Variants in ETV1 observed in about 807,000 individuals in gnomAD.
The protein encoded by ETV1 is ETS variant transcription factor 1, also known as ETS translocation variant 1.
In ETV1, 27 loss-of-function variants were observed where a neutral mutation model predicts 62.3. The ratio of observed to expected loss-of-function variants is 0.43; its 90% confidence interval spans 0.32 to 0.60. The LOEUF (loss-of-function observed/expected upper bound fraction) is 0.60. Among genes scored for constraint, ETV1 ranks in the 20% least tolerant of loss-of-function variants. ETV1 has a pLI of 0.06. For synonymous variants in ETV1, 222 were observed against 199.6 expected (o/e 1.11, Z -0.94); for missense variants, 605 against 605.8 (o/e 1.00, Z 0.01).
chr7:13,988,833 G>T (rs565703743), intron 3 of ETV1, 175 bp downstream of exon 3: 48 of 1,598,132 alleles, frequency 3.0e-5, no homozygotes, highest in Non-Finnish European at 3.9e-5. Context: ...ATCACTGAAA[G>T]GTAAGCTCAT....
In ETV1 at chr7:13,894,952, T is replaced by G. The variant is rs1014369142; in HGVS notation, c.*914A>C. 2 of 232,860 alleles carry G rather than the reference T, an allele frequency of 8.6e-6. No individual in the cohort carries two copies. Among genetic ancestry groups the G allele is most frequent in the African/African-American group, 2.2e-5 (1 of 45,322 alleles). The allele number at this position is 232,860 out of a possible 1,614,324, so 14.4% of individuals were successfully genotyped here. A position where few individuals can be genotyped will look rare whatever the true frequency, so the allele number is the denominator to read the frequency against. On this transcript the variant is annotated 3_prime_UTR_variant, in exon 14 of 14. Transcript: ENST00000430479. The stretch of plus-strand genomic sequence containing the variant: ...ATGATTTAGTACAGTTAATTCTTAT[T>G]GATTAAATAATGTATTTATGTACTG...
At chr7:13,918,579 A>G (rs1784458904) in intron 9 of ETV1, among the ~76,000 whole-genome samples, 1 of 151,968 alleles carries the variant, frequency 6.6e-6, no homozygotes, top group Non-Finnish European at 1.5e-5. Context: ...TGTCCTTTGT[A>G]GGGACATGGA....
At chr7:13,931,909 C>T (rs935567800) in intron 8 of ETV1, among the ~76,000 whole-genome samples, 160 bp from the exon 9 acceptor site, 1 of 152,030 alleles carries the variant, frequency 6.6e-6, no homozygotes, top group Non-Finnish European at 1.5e-5. Flanking sequence ...GGATTAGTAG[C>T]TCTATGTTTT....
chr7:13,989,916 C>G (rs1325929201), upstream of ETV1: 1 of 272,084 alleles, frequency 3.7e-6, no homozygotes, highest in African/African-American at 2.2e-5. Flanking sequence ...CTCTGTAACC[C>G]GCTGCTTATT....
chr7:13,907,175 G>A (rs1261119717), intron 11 of ETV1, among the ~76,000 whole-genome samples: 1 of 152,030 alleles, frequency 6.6e-6, no homozygotes, highest in Non-Finnish European at 1.5e-5. Context: ...TATAAATAAG[G>A]AAAATCTTGT....
At chr7:13,934,569 A>G (rs1786567708) in intron 8 of ETV1, among the ~76,000 whole-genome samples, 1 of 152,228 alleles carries the variant, frequency 6.6e-6, no homozygotes, top group African/African-American at 2.4e-5. Flanking sequence ...TTTTTGAGCC[A>G]GTTCTTAAAC....
At chr7:13,988,557 A>AC in intron 3 of ETV1, 1 of 352,350 alleles carries the variant, frequency 2.8e-6, no homozygotes, top group Non-Finnish European at 4.4e-6. Flanking sequence ...TCCCCACCCC[A>AC]CCCCCACAAA....
At chr7:13,953,875 C>T (rs527817339) in intron 6 of ETV1, among the ~76,000 whole-genome samples, 16 of 152,086 alleles carry the variant, frequency 1.1e-4, no homozygotes, top group East Asian at 1.9e-4. Context: ...CATAAACAGA[C>T]GATAGTGGAT....
chr7:13,929,384 T>A (rs1785819802), intron 9 of ETV1, among the ~76,000 whole-genome samples: 2 of 152,192 alleles, frequency 1.3e-5, no homozygotes, highest in Admixed American at 1.3e-4. Flanking sequence ...AAATAAGGTG[T>A]CTTCTCATCT....
chr7:13,971,490 T>A (rs1031327273), intron 6 of ETV1, among the ~76,000 whole-genome samples: 2 of 152,212 alleles, frequency 1.3e-5, no homozygotes, highest in African/African-American at 4.8e-5. Flanking sequence ...TTGTAAATAG[T>A]GAAGAGTCAG....
chr7:13,896,885 A>T (rs1453497633), intron 13 of ETV1, among the ~76,000 whole-genome samples: 1 of 152,172 alleles, frequency 6.6e-6, no homozygotes, highest in Non-Finnish European at 1.5e-5. Flanking sequence ...CATTAGACAG[A>T]GTTAAGGATG....
At chr7:13,958,620 A>G (rs1269190239) in intron 6 of ETV1, 1 of 152,144 alleles carries the variant, frequency 6.6e-6, no homozygotes, top group Non-Finnish European at 1.5e-5. Flanking sequence ...TGCTCCCGAC[A>G]ATCTTAGTTT....
At chr7:13,959,467 A>G (rs1789895580) in intron 6 of ETV1, among the ~76,000 whole-genome samples, 2 of 152,208 alleles carry the variant, frequency 1.3e-5, no homozygotes, top group South Asian at 4.1e-4. Flanking sequence ...TTTCATGCAT[A>G]AGAATTATAT....
chr7:13,945,442 G>C (rs1419402474), intron 6 of ETV1, among the ~76,000 whole-genome samples: 1 of 129,890 alleles, frequency 7.7e-6, no homozygotes, highest in East Asian at 2.5e-4. Context: ...CCTTGAAACT[G>C]ATTTTTTTTT....
intron 9 of ETV1, 98 bp from the exon 10 acceptor site, chr7:13,911,405 A>T: frequency 1.3e-6 from 1 of 771,176 alleles, no homozygotes; most frequent in Non-Finnish European, 2.2e-6. Context: ...AGAAACGGAC[A>T]CAGGTTCCAA....
At chr7:13,988,616 A>T (rs1782778297) in intron 3 of ETV1, 2 of 1,317,250 alleles carry the variant, frequency 1.5e-6, no homozygotes, top group African/African-American at 5.5e-5. Context: ...AAAAGAGAAA[A>T]TGAGAAAAAA....
intron 6 of ETV1, among the ~76,000 whole-genome samples, chr7:13,976,653 T>G (rs1193991955): frequency 6.6e-6 from 1 of 152,230 alleles, no homozygotes; most frequent in African/African-American, 2.4e-5. Context: ...CCTTAGTATT[T>G]GCTCCTTTGG....
intron 9 of ETV1, among the ~76,000 whole-genome samples, chr7:13,915,035 A>C (rs1277973536): frequency 2.0e-5 from 3 of 152,226 alleles, no homozygotes; most frequent in African/African-American, 7.2e-5. Flanking sequence ...AAATTCTTCT[A>C]CCAATAACGA....
intron 6 of ETV1, among the ~76,000 whole-genome samples, chr7:13,976,195 G>A (rs149557069): frequency 2.0e-5 from 3 of 152,176 alleles, no homozygotes; most frequent in Admixed American, 2.0e-4. Flanking sequence ...TACAACAGTG[G>A]TTACCAGGGA....
Sources: allele counts gnomAD v4.1 joint callset (sites outside exome capture counted in the v4.1 genomes callset), GRCh38; gene constraint gnomAD v4.1.1; transcripts MANE v1.5; gene names NCBI Gene and HGNC (gene_info 2026-07-23, HGNC 2026-07-21).